PCCA: variants seen among roughly 807,000 people sequenced by gnomAD.
PCCA encodes propionyl-CoA carboxylase alpha chain, mitochondrial.
PCCA carries 74 observed loss-of-function variants against 101.3 expected under a neutral mutation model. The observed-to-expected ratio is 0.73, with a 90% confidence interval of 0.61 to 0.89. The LOEUF is 0.89. Ranked by LOEUF, PCCA falls within the 40% of genes least tolerant of loss-of-function variation. The pLI, the probability that PCCA is intolerant of heterozygous loss-of-function variation, is 0.00. For missense variants in PCCA, 891 were observed against 907.0 expected, an observed-to-expected ratio of 0.98 and a Z score of 0.23; for synonymous variants, 294 against 313.6, an observed-to-expected ratio of 0.94 and a Z score of 0.66.
At chr13:100,102,822 G>A in intron 1 of PCCA, 61 bp from the exon 2 acceptor site, 1 of 1,132,014 alleles carries the variant, frequency 8.8e-7, no homozygotes, top group Non-Finnish European at 1.3e-6. Flanking sequence ...GAAATATCCT[G>A]AAAAAATGTT....
chr13:100,306,607 C>G (rs116495362), intron 14 of PCCA, among the ~76,000 whole-genome samples: 1 of 151,978 alleles, frequency 6.6e-6, no homozygotes, highest in Admixed American at 6.6e-5. Flanking sequence ...CCCTACCCCC[C>G]ACCCCAAGAA....
intron 7 of PCCA, among the ~76,000 whole-genome samples, chr13:100,210,067 G>A (rs574267673): frequency 6.6e-6 from 1 of 151,884 alleles, no homozygotes; most frequent in African/African-American, 2.4e-5. Flanking sequence ...TGATCCTCTC[G>A]CCATGACTCA....
intron 20 of PCCA, among the ~76,000 whole-genome samples, chr13:100,444,431 C>CT (rs57941571): frequency 2.2e-4 from 10 of 45,458 alleles, no homozygotes; most frequent in East Asian, 7.6e-4. Flanking sequence ...TTTGAACAAC[C>CT]TTTTTTTTTT....
rs530946310 is a variant in PCCA, at chr13:100,267,855, A to G, written c.820-834A>G. Among the ~76,000 whole-genome samples the G allele has an allele frequency of 8.5e-5, 13 of 152,288 alleles. No individual in the cohort carries two copies. In the East Asian group the frequency reaches 1.7e-3, roughly 20 times the overall value. On this transcript the variant is annotated intron_variant, in intron 10 of 23. Coordinates refer to ENST00000376285, the MANE Select transcript of PCCA (RefSeq NM_000282.4). Reference sequence around the variant, plus strand: ...GGACATAGCTAGAAAAAAATTATTCATTGTTTATCTGAAATTTAAATGTAG... The same window carrying G: ...GGACATAGCTAGAAAAAAATTATTCGTTGTTTATCTGAAATTTAAATGTAG...
chr13:100,157,653 G>A (rs910987439), intron 6 of PCCA, among the ~76,000 whole-genome samples: 3 of 152,114 alleles, frequency 2.0e-5, no homozygotes, highest in Non-Finnish European at 2.9e-5. Flanking sequence ...AGGGAGTTTA[G>A]TGAGTTATTG....
At chr13:100,139,365 C>CATGT (rs2051585550) in intron 4 of PCCA, among the ~76,000 whole-genome samples, 1 of 151,804 alleles carries the variant, frequency 6.6e-6, no homozygotes, top group Non-Finnish European at 1.5e-5. Context: ...CTCTGATAGA[C>CATGT]ATGTATGTTA....
intron 11 of PCCA, among the ~76,000 whole-genome samples, chr13:100,269,976 A>T (rs1291801384): frequency 6.6e-6 from 1 of 152,168 alleles, no homozygotes; most frequent in East Asian, 1.9e-4. Flanking sequence ...GACTACTTAG[A>T]AGTGATGCTG....
At chr13:100,193,329 C>T (rs1473004897) in intron 6 of PCCA, among the ~76,000 whole-genome samples, 1 of 152,102 alleles carries the variant, frequency 6.6e-6, no homozygotes, top group Non-Finnish European at 1.5e-5. Flanking sequence ...GTTTCTTAGG[C>T]CCCCTCCTTT....
chr13:100,209,065 C>T (rs145948191), intron 6 of PCCA, among the ~76,000 whole-genome samples: 1 of 152,180 alleles, frequency 6.6e-6, no homozygotes, highest in Non-Finnish European at 1.5e-5. Flanking sequence ...AATACAGTGT[C>T]ATAGAGTGAC....
rs769819121 is a variant in PCCA at position 100,102,882 on chromosome 13, G to A, written c.106-1G>A. The A allele has an allele frequency of 6.2e-7, 1 of 1,607,474 alleles. No individual in the cohort carries two copies. The highest frequency in any genetic ancestry group is 8.5e-7 in the Non-Finnish European group (1 of 1,174,208). On this transcript the variant is annotated splice_acceptor_variant, in intron 1 of 23. Coordinates refer to ENST00000376285, the MANE Select transcript of PCCA (RefSeq NM_000282.4). LOFTEE classifies it high-confidence loss of function. ...TTTATTTTGCTTTCCTTTTTTTGTA[G>A]CATGTTCTGTACTATTCAAGACAGT...
At chr13:100,383,869 GAAAT>G (rs2076361100) in intron 19 of PCCA, among the ~76,000 whole-genome samples, 1 of 152,148 alleles carries the variant, frequency 6.6e-6, no homozygotes, top group African/African-American at 2.4e-5. Context: ...TGCATAATAA[GAAAT>G]AATTATATAC....
rs1052574999 is a variant in PCCA, at chr13:100,492,141, C to CT, written c.1900-23275dup. Among the ~76,000 whole-genome samples the CT allele has an allele frequency of 4.9e-3, 722 of 146,628 alleles. 2 individuals carry two copies. Among genetic ancestry groups the CT allele is most frequent in the Middle Eastern group, 0.011 (3 of 282 alleles). On this transcript the variant is annotated intron_variant, in intron 21 of 23. Coordinates refer to ENST00000376285, the MANE Select transcript of PCCA (RefSeq NM_000282.4). Reference sequence around the variant, plus strand: ...CTTAGATGGATTGTCATCTCTCTCTCTTTTTTTTTTTGGGACGGAGTCTCG... The same window carrying CT: ...CTTAGATGGATTGTCATCTCTCTCTCTTTTTTTTTTTTGGGACGGAGTCTCG...
intron 4 of PCCA, among the ~76,000 whole-genome samples, chr13:100,123,446 G>A (rs1021156645): frequency 1.3e-5 from 2 of 152,140 alleles, no homozygotes; most frequent in African/African-American, 4.8e-5. Context: ...TATCAATAAG[G>A]TAGAAAATAC....
At chr13:100,338,154 G>A (rs1228839754) in intron 17 of PCCA, among the ~76,000 whole-genome samples, 1 of 152,194 alleles carries the variant, frequency 6.6e-6, no homozygotes, top group East Asian at 1.9e-4. Context: ...TGCTGGTGAA[G>A]TGCACACAGC....
chr13:100,196,225 T>C (rs2058091953), intron 6 of PCCA, among the ~76,000 whole-genome samples: 1 of 152,166 alleles, frequency 6.6e-6, no homozygotes, highest in Non-Finnish European at 1.5e-5. Context: ...TTGTTCTAAG[T>C]ACCTTGGTCA....
chr13:100,317,918 G>T (rs2067550195), intron 16 of PCCA, among the ~76,000 whole-genome samples: 1 of 152,066 alleles, frequency 6.6e-6, no homozygotes, highest in East Asian at 1.9e-4. Flanking sequence ...ATCAGTCCCT[G>T]CCTGCCTCCT....
intron 19 of PCCA, among the ~76,000 whole-genome samples, chr13:100,414,357 G>A (rs890542700): frequency 6.6e-6 from 1 of 152,152 alleles, no homozygotes; most frequent in South Asian, 2.1e-4. Context: ...GTCACTAGAG[G>A]TATGATAGCT....
At chr13:100,437,882 C>G (rs2080058324) in intron 20 of PCCA, among the ~76,000 whole-genome samples, 2 of 152,078 alleles carry the variant, frequency 1.3e-5, no homozygotes, top group African/African-American at 4.8e-5. Context: ...GTTGGCCAGG[C>G]TGGTCTTGAA....
intron 6 of PCCA, among the ~76,000 whole-genome samples, chr13:100,200,577 A>G (rs2058416329): frequency 6.6e-6 from 1 of 151,298 alleles, no homozygotes; most frequent in Non-Finnish European, 1.5e-5. Context: ...GGTTTTTAAC[A>G]TATACGTTTT....
Sources: allele counts gnomAD v4.1 joint callset (sites outside exome capture counted in the v4.1 genomes callset), GRCh38; gene constraint gnomAD v4.1.1; transcripts MANE v1.5; gene names NCBI Gene and HGNC (gene_info 2026-07-23, HGNC 2026-07-21).